The following FAT1 variants were observed in gnomAD, a reference collection of about 807,000 sequenced individuals.
FAT1 encodes FAT atypical cadherin 1, also known as protocadherin Fat 1.
Under a neutral mutation model 329.8 loss-of-function variants are expected in FAT1, and 171 were observed. The ratio of observed to expected loss-of-function variants is 0.52; its 90% confidence interval spans 0.46 to 0.59. FAT1 has a LOEUF of 0.59. FAT1 is among the 20% of genes least tolerant of loss of function. FAT1 has a pLI of 0.00. For synonymous variants in FAT1, 2,233 were observed against 2,228.6 expected, an observed-to-expected ratio of 1.00 and a Z score of -0.06; for missense variants, 5,672 against 5,774.4, an observed-to-expected ratio of 0.98 and a Z score of 0.57.
chr4:186,636,642 T>A lies in FAT1; in HGVS notation c.3915A>T (p.Lys1305Asn), dbSNP rs2126562951. 6.2e-7 allele frequency: 1 copy of A among 1,613,974 alleles called. No individual in the cohort carries two copies. Among genetic ancestry groups the A allele is most frequent in the Non-Finnish European group, 8.5e-7 (1 of 1,179,888 alleles). The stretch of plus-strand genomic sequence containing the variant: ...ACCTCTTGGACGAAACCACTCCAGT[T>A]TTCGGTTCGATGAAAAATTTGCCAT... ...NEHGKFFIEP[K>N]TGVVSSKRFS... Residue 1305 changes from lysine (K) to asparagine (N), a missense_variant, in exon 5 of 27, where the codon AAA (lysine) becomes AAT (asparagine). This residue lies in a region of FAT1 where 3,966 missense variants were observed against 3,915.2 expected (regional missense o/e 1.01). Transcript: ENST00000441802.
intron 1 of FAT1, among the ~76,000 whole-genome samples, chr4:186,723,354 C>CAA (rs1745545326): frequency 3.9e-5 from 6 of 152,190 alleles, no homozygotes; most frequent in Non-Finnish European, 8.8e-5. Context: ...ACCGCGAGGC[C>CAA]GGCGCAGCCC....
intron 3 of FAT1, among the ~76,000 whole-genome samples, chr4:186,657,328 G>A (rs530207294): frequency 5.9e-5 from 9 of 152,232 alleles, no homozygotes; most frequent in Admixed American, 3.9e-4. Context: ...CTTGATACAC[G>A]CCAAAACATG....
intron 2 of FAT1, among the ~76,000 whole-genome samples, chr4:186,698,819 G>A (rs546121482): frequency 3.0e-4 from 45 of 152,294 alleles, no homozygotes; most frequent in African/African-American, 1.0e-3. Context: ...GGAGGATTCC[G>A]TGACAGATGA....
intron 3 of FAT1, among the ~76,000 whole-genome samples, chr4:186,652,937 G>A (rs1180169333): frequency 6.6e-6 from 1 of 152,106 alleles, no homozygotes; most frequent in Non-Finnish European, 1.5e-5. Context: ...ACTATACATC[G>A]CTGCCCAGTC....
chr4:186,597,617 G>C, intron 24 of FAT1, 65 bp downstream of exon 24: 1 of 1,099,970 alleles, frequency 9.1e-7, no homozygotes, highest in East Asian at 2.4e-5. Context: ...AAGGTCTGTT[G>C]CATCTGCCAG....
At chr4:186,598,420 C>T (rs1052627256) in intron 22 of FAT1, 3 of 259,080 alleles carry the variant, frequency 1.2e-5, no homozygotes, top group African/African-American at 2.2e-5. Flanking sequence ...TGACCATGTA[C>T]GTAGACAGCA....
chr4:186,660,184 C>T (rs530872681), intron 3 of FAT1, among the ~76,000 whole-genome samples: 15 of 152,174 alleles, frequency 9.9e-5, no homozygotes, highest in African/African-American at 2.4e-4. Context: ...TATTTCCTAC[C>T]GGACGGACTT....
chr4:186,650,854 TG>T (rs1190788716), intron 3 of FAT1, among the ~76,000 whole-genome samples: 1 of 152,034 alleles, frequency 6.6e-6, no homozygotes, highest in Admixed American at 6.5e-5. Flanking sequence ...GGTTCAGTGT[TG>T]AAAGAGAGCT....
At position 186,636,744 on chromosome 4, in the gene FAT1, G is replaced by C. The variant is rs372899406; in HGVS notation, c.3813C>G (p.Leu1271=). 2.2e-5 allele frequency: 36 copies of C among 1,613,786 alleles called. No individual in the cohort carries two copies. Among genetic ancestry groups the C allele is most frequent in the African/African-American group, 1.9e-4 (14 of 74,908 alleles). Residue 1271 remains leucine (L), a synonymous_variant, in exon 5 of 27, where the codon CTC becomes CTG. Transcript: ENST00000441802. ...DRERNARREP[L]YHVIATDKDE... is the part of the protein sequence containing the mutation. Reference sequence around the variant, plus strand: ...CCTTGTCGGTGGCTATGACGTGATAGAGCGGCTCCCGTCTGGCATTTCTTT... The same window carrying C: ...CCTTGTCGGTGGCTATGACGTGATACAGCGGCTCCCGTCTGGCATTTCTTT...
Position 186,708,880 on chromosome 4 carries a change from T to A in FAT1, c.948A>T (p.Lys316Asn), listed in dbSNP as rs1249596856. The A allele has an allele frequency of 1.9e-6, 3 of 1,613,848 alleles. No homozygotes were observed. In the African/African-American group the frequency reaches 4.0e-5, roughly 22 times the overall value. Residue 316 changes from lysine to asparagine, a missense_variant, in exon 2 of 27, where the codon AAA becomes AAT. Lys to Asn is a moderately conservative substitution (Grantham distance 94). Coordinates refer to ENST00000441802, the MANE Select transcript of FAT1 (RefSeq NM_005245.4). ...AATCAATGCCACCGATGGCTTTGACTTTATACTCCTTACTCCCTGGAAAGG... is the reference window on the plus strand; with the variant it reads ...AATCAATGCCACCGATGGCTTTGACATTATACTCCTTACTCCCTGGAAAGG... ...VRSFPGSKEY[K>N]VKAIGGIDWD...
At chr4:186,653,484 A>G (rs898353663) in intron 3 of FAT1, among the ~76,000 whole-genome samples, 4 of 152,202 alleles carry the variant, frequency 2.6e-5, no homozygotes, top group East Asian at 1.9e-4. Context: ...TTTTTACTTC[A>G]GAAATATAAA....
intron 2 of FAT1, among the ~76,000 whole-genome samples, chr4:186,692,953 C>A (rs114396943): frequency 0.012 from 1,879 of 152,206 alleles, 43 homozygotes; most frequent in African/African-American, 0.042. Context: ...TTCTCCAATT[C>A]CTTTGGGGGT....
Position 186,588,195 on chromosome 4 carries a change from G to T in FAT1, c.*397C>A. 4.3e-6 allele frequency: 1 copy of T among 234,540 alleles called. No homozygotes were observed. The highest frequency in any genetic ancestry group is 8.4e-6 in the Non-Finnish European group (1 of 119,190). The allele number at this position is 234,540 out of a possible 1,614,324, so 14.5% of individuals were successfully genotyped here. ...CCACCAAAATTCAGTTGAAACAAAT[G>T]CACAAAATATCTTGGAAATCTAGTT... On this transcript the variant is annotated 3_prime_UTR_variant, in exon 27 of 27. Transcript: ENST00000441802.
In FAT1 at chr4:186,633,817, T is replaced by C. The variant is rs1340331145; in HGVS notation, c.4190A>G (p.Asn1397Ser). ...GTCCACATCGAAGTGACTGTCGTAG[T>C]TGCCACCTAATTTGGGGAAAAAAAA... ...IPLWFDITGG[N>S]YDSHFDVDKG... is the part of the protein sequence containing the mutation. The change falls in exon 7 of 27, where the codon AAC (asparagine) becomes AGC (serine). Residue 1397 changes from asparagine to serine, a missense_variant. This residue lies in a region of FAT1 where 3,966 missense variants were observed against 3,915.2 expected (regional missense o/e 1.01). Transcript: ENST00000441802. The C allele has an allele frequency of 5.0e-6, 8 of 1,613,996 alleles. No individual in the cohort carries two copies. The highest frequency in any genetic ancestry group is 3.3e-5 in the South Asian group (3 of 91,082).
At chr4:186,641,945 C>G (rs1741115702) in intron 3 of FAT1, among the ~76,000 whole-genome samples, 1 of 151,288 alleles carries the variant, frequency 6.6e-6, no homozygotes, top group African/African-American at 2.4e-5. Flanking sequence ...AAGAGGAGGC[C>G]ACAGTGAGCC....
Position 186,614,316 on chromosome 4 carries a change from T to A in FAT1, c.9104A>T (p.Asp3035Val), listed in dbSNP as rs767067816. The change falls in exon 12 of 27, where the codon GAC (aspartate) becomes GTC (valine). Residue 3035 changes from aspartate (D) to valine (V), a missense_variant. This residue lies in a region of FAT1 where 3,966 missense variants were observed against 3,915.2 expected (regional missense o/e 1.01). Coordinates refer to ENST00000441802, the MANE Select transcript of FAT1 (RefSeq NM_005245.4). Reference sequence around the variant, plus strand: ...CATGATCAATTTTCCAGGAAGGACGTCTTCAGGAATAGTGTCTGAATATAA... The same window carrying A: ...CATGATCAATTTTCCAGGAAGGACGACTTCAGGAATAGTGTCTGAATATAA... The part of the protein sequence containing the change: ...KTLYSDTIPE[D>V]VLPGKLIMQI... 1.3e-6 allele frequency: 2 copies of A among 1,577,822 alleles called. No individual in the cohort carries two copies. Among genetic ancestry groups the A allele is most frequent in the Non-Finnish European group, 1.7e-6 (2 of 1,167,138 alleles).
Position 186,611,651 on chromosome 4 carries a change from G to T in FAT1, c.9588C>A (p.Thr3196=), listed in dbSNP as rs1196834440. The change falls in exon 14 of 27, where the codon ACC becomes ACA. Residue 3196 remains threonine, a synonymous_variant. Coordinates refer to ENST00000441802, the MANE Select transcript of FAT1 (RefSeq NM_005245.4). ...CTTGATCCACAGCTTTCAAAGAGAG[G>T]GTGTATACTGCCTGGAGTTCTCTGT... ...PLDRELQAVY[T]LSLKAVDQGL... The T allele has an allele frequency of 6.2e-7, 1 of 1,612,602 alleles. No individual in the cohort carries two copies. Among genetic ancestry groups the T allele is most frequent in the African/African-American group, 1.3e-5 (1 of 74,818 alleles).
At chr4:186,609,073 T>C in intron 16 of FAT1, 110 bp downstream of exon 16, 2 of 1,236,752 alleles carry the variant, frequency 1.6e-6, no homozygotes, top group South Asian at 3.0e-5. Flanking sequence ...CCGTCAGTTC[T>C]TGAGGCGGTC....
intron 2 of FAT1, among the ~76,000 whole-genome samples, chr4:186,680,538 T>C (rs1027733357): frequency 6.6e-6 from 1 of 152,118 alleles, no homozygotes; most frequent in Admixed American, 6.5e-5. Context: ...CAAAGGCACA[T>C]GTGGTGGGCA....
Sources: gnomAD v4.1 joint callset for allele counts (sites outside exome capture counted in the v4.1 genomes callset) on GRCh38, gnomAD v4.1.1 for gene constraint, gnomAD v4.1.1 regional missense constraint, MANE v1.5 for transcripts, NCBI Gene and HGNC (gene_info 2026-07-23, HGNC 2026-07-21) for gene names.